The following GPAT4 variants were observed in gnomAD, a reference collection of about 807,000 sequenced individuals.
GPAT4 encodes the protein glycerol-3-phosphate acyltransferase 4, also known as 1-AGP acyltransferase 6.
GPAT4 carries 17 observed loss-of-function variants against 58.0 expected under a neutral mutation model. That is an observed-to-expected ratio of 0.29 (90% confidence interval 0.20 to 0.44). The LOEUF (loss-of-function observed/expected upper bound fraction) is 0.44. Among genes scored for constraint, GPAT4 ranks in the 20% least tolerant of loss-of-function variants. GPAT4 has a pLI of 1.00. For missense variants in GPAT4, 377 were observed against 574.5 expected, an observed-to-expected ratio of 0.66 and a Z score of 3.51; for synonymous variants, 204 against 210.1, an observed-to-expected ratio of 0.97 and a Z score of 0.25.
At chr8:41,587,338 A>G (rs1430552640) in intron 1 of GPAT4, among the ~76,000 whole-genome samples, 3 of 152,242 alleles carry the variant, frequency 2.0e-5, no homozygotes, top group Non-Finnish European at 4.4e-5. Flanking sequence ...AAACCTCATT[A>G]GTATAATGTC....
chr8:41,608,680 A>G (rs1803351515), intron 2 of GPAT4, among the ~76,000 whole-genome samples: 1 of 152,146 alleles, frequency 6.6e-6, no homozygotes, highest in Non-Finnish European at 1.5e-5. Flanking sequence ...ATTTCATTTT[A>G]TCCTAAGCGA....
At chr8:41,617,847 G>A (rs960316639) in intron 10 of GPAT4, among the ~76,000 whole-genome samples, 3 of 152,250 alleles carry the variant, frequency 2.0e-5, no homozygotes, top group Non-Finnish European at 2.9e-5. Flanking sequence ...TCAGACATTC[G>A]CTGGCAGCAC....
At chr8:41,589,463 G>C (rs1423474805) in intron 1 of GPAT4, among the ~76,000 whole-genome samples, 1 of 152,148 alleles carries the variant, frequency 6.6e-6, no homozygotes, top group African/African-American at 2.4e-5. Flanking sequence ...CTTCCTATAA[G>C]GGGCAGATAG....
At position 41,612,930 on chromosome 8, in the gene GPAT4, A is replaced by C; in HGVS notation, c.881A>C (p.Glu294Ala). 1 of 1,614,112 alleles carries C rather than the reference A, an allele frequency of 6.2e-7. No homozygotes were observed. The highest frequency in any genetic ancestry group is 1.3e-5 in the African/African-American group (1 of 75,012). The change falls in exon 8 of 13, where the codon GAA becomes GCA. Residue 294 changes from glutamate to alanine, a missense_variant. By Grantham distance (107) the Glu-to-Ala change is moderately radical. Transcript: ENST00000396987. Reference protein sequence around the residue: ...ACPHVWFERSEVKDRHLVAKR... With the variant: ...ACPHVWFERSAVKDRHLVAKR... ...CCACACGTCTGGTTTGAGCGCTCGGAAGTGAAGGATCGCCACCTGGTGGCT... is the reference window on the plus strand; with the variant it reads ...CCACACGTCTGGTTTGAGCGCTCGGCAGTGAAGGATCGCCACCTGGTGGCT...
Position 41,611,978 on chromosome 8 carries a change from C to T in GPAT4, c.687C>T (p.Ile229=). The T allele has an allele frequency of 1.2e-6, 2 of 1,614,144 alleles. No homozygotes were observed. The highest frequency in any genetic ancestry group is 1.7e-6 in the Non-Finnish European group (2 of 1,180,032). ...GCGTGCGAGCGCTGACAGCCATCAT[C>T]ACCTACCATGACAGGTGAGAGCGCT... is the stretch of plus-strand genomic sequence containing the variant. ...RICVRALTAI[I]TYHDRENRPR... is the part of the protein sequence containing the mutation. The change falls in exon 6 of 13, where the codon ATC becomes ATT. Residue 229 remains isoleucine, a synonymous_variant. Coordinates refer to ENST00000396987, the MANE Select transcript of GPAT4 (RefSeq NM_178819.4).
chr8:41,591,920 G>A (rs1022810578), intron 1 of GPAT4, among the ~76,000 whole-genome samples: 1 of 152,200 alleles, frequency 6.6e-6, no homozygotes, highest in African/African-American at 2.4e-5. Flanking sequence ...TTTCTTGCCA[G>A]GCCAGAATAG....
At chr8:41,615,423 T>C (rs1803568432) in intron 10 of GPAT4, among the ~76,000 whole-genome samples, 2 of 147,468 alleles carry the variant, frequency 1.4e-5, no homozygotes. Context: ...TAAGCTGGAT[T>C]TTTGCATTTT....
intron 1 of GPAT4, among the ~76,000 whole-genome samples, chr8:41,593,240 T>C (rs1387229313): frequency 6.6e-6 from 1 of 152,164 alleles, no homozygotes; most frequent in Non-Finnish European, 1.5e-5. Flanking sequence ...TCAAAAACTG[T>C]GGACATGGGA....
At chr8:41,600,825 T>C (rs1490979874) in intron 2 of GPAT4, among the ~76,000 whole-genome samples, 2 of 152,226 alleles carry the variant, frequency 1.3e-5, no homozygotes, top group South Asian at 4.1e-4. Context: ...CTATTCTGCA[T>C]ATTTCATGTG....
At position 41,623,123 on chromosome 8, in the gene GPAT4, G is replaced by A. The variant is rs1401327059; in HGVS notation, c.*2122G>A. 6.6e-6 allele frequency: 1 copy of A among 152,256 alleles called. No homozygotes were observed. Among genetic ancestry groups the A allele is most frequent in the Non-Finnish European group, 1.5e-5 (1 of 68,058 alleles). 9.4% of individuals were successfully genotyped at this position (152,256 alleles called of 1,614,324 possible). A position where few individuals can be genotyped will look rare whatever the true frequency, so the allele number is the denominator to read the frequency against. The stretch of plus-strand genomic sequence containing the variant: ...GGCCGCACCTGGTGTGAAGTCACGT[G>A]GAGTCAGTGCTGTGGAGGGAAGTCC... On this transcript the variant is annotated 3_prime_UTR_variant, in exon 13 of 13. Coordinates refer to ENST00000396987, the MANE Select transcript of GPAT4 (RefSeq NM_178819.4).
chr8:41,589,576 G>A (rs1042675918), intron 1 of GPAT4, among the ~76,000 whole-genome samples: 10 of 151,892 alleles, frequency 6.6e-5, no homozygotes, highest in African/African-American at 2.4e-4. Flanking sequence ...GTCTAAGAAT[G>A]TAAAAACTCA....
intron 1 of GPAT4, among the ~76,000 whole-genome samples, chr8:41,594,496 C>CT (rs2150488339): frequency 6.6e-6 from 1 of 150,902 alleles, no homozygotes; most frequent in South Asian, 2.1e-4. Context: ...TTTCTCACAA[C>CT]TTTCGCAGAC....
At chr8:41,617,006 G>A (rs903731800) in intron 10 of GPAT4, among the ~76,000 whole-genome samples, 1 of 152,102 alleles carries the variant, frequency 6.6e-6, no homozygotes, top group Non-Finnish European at 1.5e-5. Context: ...GAATCAGCCC[G>A]AAACAAAGGG....
chr8:41,593,902 G>A (rs1383901488), intron 1 of GPAT4, among the ~76,000 whole-genome samples: 1 of 152,114 alleles, frequency 6.6e-6, no homozygotes, highest in East Asian at 1.9e-4. Context: ...ATTTCCTTTA[G>A]CACCTATTTT....
At chr8:41,592,791 T>G (rs567440536) in intron 1 of GPAT4, among the ~76,000 whole-genome samples, 2 of 152,288 alleles carry the variant, frequency 1.3e-5, no homozygotes, top group African/African-American at 4.8e-5. Flanking sequence ...CTAAGATATT[T>G]ACTTGAGGAT....
intron 10 of GPAT4, among the ~76,000 whole-genome samples, chr8:41,615,505 G>A (rs1277048756): frequency 4.0e-5 from 6 of 151,884 alleles, no homozygotes; most frequent in Admixed American, 1.3e-4. Context: ...ACTGCTTTTA[G>A]TTGTGTCATC....
intron 1 of GPAT4, among the ~76,000 whole-genome samples, chr8:41,580,801 A>T (rs1802490030): frequency 6.6e-6 from 1 of 152,198 alleles, no homozygotes; most frequent in Non-Finnish European, 1.5e-5. Flanking sequence ...CCCTAAAGAT[A>T]GAGGAGGGAG....
In GPAT4 at chr8:41,622,604, GCAGTT is replaced by G. The variant is rs1298459979; in HGVS notation, c.*1607_*1611del. 3 of 152,416 alleles carry G rather than the reference GCAGTT, an allele frequency of 2.0e-5. No individual in the cohort carries two copies. The highest frequency in any genetic ancestry group is 4.4e-5 in the Non-Finnish European group (3 of 68,200). The allele number at this position is 152,416 out of a possible 1,614,324, so 9.4% of individuals were successfully genotyped here. On this transcript the variant is annotated 3_prime_UTR_variant, in exon 13 of 13. Coordinates refer to ENST00000396987, the MANE Select transcript of GPAT4 (RefSeq NM_178819.4). ...CGTCCCCAAGGTCGCCCTCTGGCCT[GCAGTT>G]CAGGGAGTGGGTGGGAGTGAAGCTG...
chr8:41,619,953 T>C (rs902330395), intron 12 of GPAT4, among the ~76,000 whole-genome samples: 4 of 152,206 alleles, frequency 2.6e-5, no homozygotes, highest in Non-Finnish European at 4.4e-5. Flanking sequence ...GTAAACAGTG[T>C]TCCCATTTTG....
Sources: gnomAD v4.1 joint callset for allele counts (sites outside exome capture counted in the v4.1 genomes callset) on GRCh38, gnomAD v4.1.1 for gene constraint, MANE v1.5 for transcripts, NCBI Gene and HGNC (gene_info 2026-07-23, HGNC 2026-07-21) for gene names.